Variants in CHSY3 observed in about 807,000 individuals in gnomAD.
CHSY3 encodes N-acetylgalactosaminyl-proteoglycan 3-beta-glucuronosyltransferase 3.
Under a neutral mutation model 67.2 loss-of-function variants are expected in CHSY3, and 35 were observed. The observed-to-expected ratio is 0.52, with a 90% CI of 0.40 to 0.69. The LOEUF (loss-of-function observed/expected upper bound fraction) is 0.69, where lower values mean the gene tolerates loss of function less well. Among genes scored for constraint, CHSY3 ranks in the 30% least tolerant of loss-of-function variants. CHSY3 has a pLI of 0.00. For synonymous variants in CHSY3, 474 were observed against 434.7 expected, an observed-to-expected ratio of 1.09 and a Z score of -1.12; for missense variants, 1,069 against 1,138.5, an observed-to-expected ratio of 0.94 and a Z score of 0.88.
At chr5:129,911,842 G>A (rs1183206490) in intron 2 of CHSY3, among the ~76,000 whole-genome samples, 1 of 152,104 alleles carries the variant, frequency 6.6e-6, no homozygotes, top group Non-Finnish European at 1.5e-5. Context: ...GGATCACTAG[G>A]TCAGGAGATC....
At chr5:130,101,888 G>A (rs1767256698) in intron 2 of CHSY3, among the ~76,000 whole-genome samples, 1 of 152,076 alleles carries the variant, frequency 6.6e-6, no homozygotes, top group Non-Finnish European at 1.5e-5. Context: ...AATCAGTCTT[G>A]TCAAGCTTCA....
At chr5:130,020,440 TA>T (rs1561500289) in intron 2 of CHSY3, among the ~76,000 whole-genome samples, 1,697 of 18,150 alleles carry the variant, frequency 0.093, 118 homozygotes, top group African/African-American at 0.17. Flanking sequence ...TATATATATA[TA>T]TATATATATA....
intron 2 of CHSY3, among the ~76,000 whole-genome samples, chr5:130,182,071 A>C (rs1158949553): frequency 6.6e-6 from 1 of 152,044 alleles, no homozygotes; most frequent in Non-Finnish European, 1.5e-5. Context: ...ATGTATGTTC[A>C]TTTTAGTTGA....
At chr5:130,059,151 A>G (rs1765629018) in intron 2 of CHSY3, among the ~76,000 whole-genome samples, 1 of 152,220 alleles carries the variant, frequency 6.6e-6, no homozygotes. Context: ...GCTGAGGCCT[A>G]AAGAGCAACA....
chr5:130,178,223 A>T (rs1162458232), intron 2 of CHSY3, among the ~76,000 whole-genome samples: 40 of 75,716 alleles, frequency 5.3e-4, no homozygotes, highest in African/African-American at 1.9e-3. Flanking sequence ...GTATATATTT[A>T]TATTTATATA....
Position 129,905,388 on chromosome 5 carries a change from C to T in CHSY3, c.559C>T (p.Arg187Cys), listed in dbSNP as rs781436925. ...VMTAQKYLGS[R>C]ALAAQRTWAR... The stretch of plus-strand genomic sequence containing the variant: ...GACCGCGCAGAAGTACCTGGGCAGC[C>T]GCGCGCTGGCCGCGCAGCGGACCTG... The change falls in exon 1 of 3, where the codon CGC becomes TGC. Residue 187 changes from arginine to cysteine, a missense_variant. Coordinates refer to ENST00000305031, the MANE Select transcript of CHSY3 (RefSeq NM_175856.5). 1 of 1,601,414 alleles carries T rather than the reference C, an allele frequency of 6.2e-7. No homozygotes were observed. The highest frequency in any genetic ancestry group is 8.5e-7 in the Non-Finnish European group (1 of 1,175,718).
At chr5:129,912,962 G>A (rs1025498331) in intron 2 of CHSY3, among the ~76,000 whole-genome samples, 1 of 152,172 alleles carries the variant, frequency 6.6e-6, no homozygotes, top group African/African-American at 2.4e-5. Context: ...ACTGAATGAA[G>A]CATGCATTCT....
At chr5:130,084,262 G>T (rs1022990005) in intron 2 of CHSY3, among the ~76,000 whole-genome samples, 1 of 151,956 alleles carries the variant, frequency 6.6e-6, no homozygotes, top group Non-Finnish European at 1.5e-5. Flanking sequence ...TTTAAACGGT[G>T]ACTATAGCTA....
intron 2 of CHSY3, among the ~76,000 whole-genome samples, chr5:130,051,137 C>A (rs1023857620): frequency 5.5e-5 from 8 of 145,590 alleles, no homozygotes; most frequent in Non-Finnish European, 1.0e-4. Flanking sequence ...AAACTCTTAA[C>A]AATGGTCACC....
intron 2 of CHSY3, among the ~76,000 whole-genome samples, chr5:129,973,654 A>G (rs770426935): frequency 4.6e-5 from 7 of 152,120 alleles, no homozygotes; most frequent in South Asian, 2.1e-4. Flanking sequence ...CTCAATTTTT[A>G]CAGGCATTGC....
Position 130,185,061 on chromosome 5 carries a change from A to G in CHSY3, c.1919A>G (p.Asn640Ser), listed in dbSNP as rs1186698715. Reference protein sequence around the residue: ...RYDIFLRFMENFENMCLIPKQ... With the variant: ...RYDIFLRFMESFENMCLIPKQ... ...GACATTTTCTTGAGATTCATGGAGA[A>G]CTTTGAAAACATGTGTCTTATCCCA... Residue 640 changes from asparagine (N) to serine (S), a missense_variant, in exon 3 of 3, where the codon AAC becomes AGC. Physicochemically the swap from Asn to Ser is conservative, Grantham distance 46. Transcript: ENST00000305031. The G allele has an allele frequency of 5.0e-6, 8 of 1,603,616 alleles. No individual in the cohort carries two copies. The East Asian group carries it at 1.8e-4, about 36-fold the overall frequency.
chr5:130,155,452 G>C (rs1166875365), intron 2 of CHSY3, among the ~76,000 whole-genome samples: 2 of 152,184 alleles, frequency 1.3e-5, no homozygotes, highest in Non-Finnish European at 2.9e-5. Context: ...CAGGAATGAA[G>C]TGTTTATTTC....
rs572117446 is a variant in CHSY3, at chr5:130,174,453, C to G, written c.1087-9776C>G. On this transcript the variant is annotated intron_variant, in intron 2 of 2. Coordinates refer to ENST00000305031, the MANE Select transcript of CHSY3 (RefSeq NM_175856.5). ...CCCATGATAGTATGGCCTCTTATTT[C>G]TCTTTCAACAGAGATAATTTAGTTT... Among the ~76,000 whole-genome samples the G allele has an allele frequency of 5.9e-5, 9 of 152,128 alleles. No individual in the cohort carries two copies. In the South Asian group the frequency reaches 1.9e-3, roughly 32 times the overall value.
At chr5:130,095,569 C>T (rs1205893261) in intron 2 of CHSY3, among the ~76,000 whole-genome samples, 1 of 152,184 alleles carries the variant, frequency 6.6e-6, no homozygotes, top group African/African-American at 2.4e-5. Context: ...GGTTAAACAA[C>T]AGTGCTTTGC....
intron 2 of CHSY3, among the ~76,000 whole-genome samples, chr5:130,180,391 A>G (rs991160906): frequency 4.6e-5 from 7 of 152,072 alleles, no homozygotes; most frequent in Non-Finnish European, 7.4e-5. Flanking sequence ...TTTTCTTCAT[A>G]TATATATTAC....
intron 2 of CHSY3, among the ~76,000 whole-genome samples, chr5:129,916,920 G>T (rs1310875267): frequency 6.6e-6 from 1 of 151,704 alleles, no homozygotes; most frequent in Non-Finnish European, 1.5e-5. Flanking sequence ...TCTCTAGTTG[G>T]GTCCAACTTT....
intron 2 of CHSY3, among the ~76,000 whole-genome samples, chr5:129,916,586 A>G (rs1315948764): frequency 6.6e-6 from 1 of 152,214 alleles, no homozygotes; most frequent in African/African-American, 2.4e-5. Flanking sequence ...ATAATGTTAT[A>G]TGAAGTAAGG....
chr5:130,036,469 TAA>T (rs1764866105), intron 2 of CHSY3, among the ~76,000 whole-genome samples: 1 of 152,168 alleles, frequency 6.6e-6, no homozygotes, highest in Non-Finnish European at 1.5e-5. Context: ...TTGGATGCTG[TAA>T]ATGCTCTCCC....
At chr5:130,136,014 C>G (rs1768648340) in intron 2 of CHSY3, among the ~76,000 whole-genome samples, 1 of 152,136 alleles carries the variant, frequency 6.6e-6, no homozygotes, top group African/African-American at 2.4e-5. Flanking sequence ...AGAAAAGTCC[C>G]AGACCCTTGT....
Sources: allele counts gnomAD v4.1 joint callset (sites outside exome capture counted in the v4.1 genomes callset), GRCh38; gene constraint gnomAD v4.1.1; transcripts MANE v1.5; gene names NCBI Gene and HGNC (gene_info 2026-07-23, HGNC 2026-07-21).